Variants in CHN2 observed in about 807,000 individuals in gnomAD.
CHN2 encodes beta-chimaerin.
A neutral mutation model predicts 56.3 loss-of-function variants in CHN2; 35 were observed. The ratio of observed to expected loss-of-function variants is 0.62; its 90% CI spans 0.47 to 0.82. The LOEUF (loss-of-function observed/expected upper bound fraction) is 0.82. Among genes scored for constraint, CHN2 ranks in the 40% least tolerant of loss-of-function variants. CHN2 has a pLI of 0.00. For missense variants in CHN2, 491 were observed against 580.5 expected, an observed-to-expected ratio of 0.85 and a Z score of 1.58; for synonymous variants, 210 against 212.8, an observed-to-expected ratio of 0.99 and a Z score of 0.12.
chr7:29,304,929 G>A (rs991325035), intron 1 of CHN2, among the ~76,000 whole-genome samples: 23 of 152,230 alleles, frequency 1.5e-4, no homozygotes, highest in African/African-American at 5.5e-4. Flanking sequence ...GGCCTTAGGG[G>A]ATGACTGAGT....
chr7:29,311,553 A>G (rs528450473), intron 1 of CHN2, among the ~76,000 whole-genome samples: 1 of 152,376 alleles, frequency 6.6e-6, no homozygotes. Context: ...AAGACATCAC[A>G]GATAGGGACT....
At chr7:29,149,720 G>T (rs245886) in intron 2 of CHN2, among the ~76,000 whole-genome samples, 82,504 of 151,798 alleles carry the variant, frequency 0.54, 22,919 homozygotes, top group African/African-American at 0.66. Flanking sequence ...CTTCCTCGCT[G>T]CTTCTAGGTT....
intron 4 of CHN2, among the ~76,000 whole-genome samples, chr7:29,395,948 T>C (rs1801702026): frequency 6.6e-6 from 1 of 152,164 alleles, no homozygotes; most frequent in Non-Finnish European, 1.5e-5. Flanking sequence ...AGAGAGGCTT[T>C]CGAATGTTCC....
intron 1 of CHN2, among the ~76,000 whole-genome samples, chr7:29,237,310 G>A (rs1787276953): frequency 6.6e-6 from 1 of 152,142 alleles, no homozygotes; most frequent in South Asian, 2.1e-4. Context: ...TCTGTGCCTT[G>A]CCTTTGCAGG....
At chr7:29,252,597 T>G (rs867173575) in intron 1 of CHN2, among the ~76,000 whole-genome samples, 9 of 43,766 alleles carry the variant, frequency 2.1e-4, no homozygotes, top group Non-Finnish European at 2.8e-4. Context: ...TTTTTTTTTT[T>G]TTTTTTTTTG....
At chr7:29,402,878 T>C (rs1359688857) in intron 6 of CHN2, among the ~76,000 whole-genome samples, 1 of 152,208 alleles carries the variant, frequency 6.6e-6, no homozygotes. Context: ...ATTTTTGTAT[T>C]TATTTGTCAA....
intron 7 of CHN2, among the ~76,000 whole-genome samples, chr7:29,481,870 G>C (rs890038865): frequency 1.3e-5 from 2 of 151,920 alleles, no homozygotes; most frequent in Non-Finnish European, 2.9e-5. Context: ...TAAGAAATTG[G>C]AATTATGCCA....
intron 1 of CHN2, among the ~76,000 whole-genome samples, chr7:29,307,768 G>A (rs1794282819): frequency 6.6e-6 from 1 of 152,168 alleles, no homozygotes; most frequent in Non-Finnish European, 1.5e-5. Context: ...TGGGCACACA[G>A]GAAGTCTGCA....
chr7:29,389,439 GC>G (rs1360750574), intron 3 of CHN2, among the ~76,000 whole-genome samples: 2 of 152,190 alleles, frequency 1.3e-5, no homozygotes, highest in Admixed American at 1.3e-4. Context: ...CATCTAGGGG[GC>G]TTGATTAAAT....
intron 2 of CHN2, among the ~76,000 whole-genome samples, chr7:29,151,842 C>T (rs2128693364): frequency 6.6e-6 from 1 of 152,230 alleles, no homozygotes; most frequent in East Asian, 1.9e-4. Flanking sequence ...GAGGATTTGA[C>T]GAAATTGTAT....
intron 2 of CHN2, among the ~76,000 whole-genome samples, chr7:29,149,179 G>A (rs1177890998): frequency 7.0e-6 from 1 of 142,626 alleles, no homozygotes. Context: ...AGATTGGGAA[G>A]TCTGTTTCCC....
chr7:29,275,483 T>G (rs62442865), intron 1 of CHN2, among the ~76,000 whole-genome samples: 6,063 of 152,298 alleles, frequency 0.04, 151 homozygotes, highest in East Asian at 0.08. Flanking sequence ...TGCACCGTTT[T>G]GAAAGCAGGG....
At chr7:29,333,833 A>G (rs192112511) in intron 1 of CHN2, among the ~76,000 whole-genome samples, 6 of 152,266 alleles carry the variant, frequency 3.9e-5, no homozygotes, top group African/African-American at 1.2e-4. Flanking sequence ...GATTTTCAGC[A>G]GTAATGGCCG....
At chr7:29,500,098 T>C in intron 9 of CHN2, 58 bp downstream of exon 9, 1 of 1,339,848 alleles carries the variant, frequency 7.5e-7, no homozygotes, top group African/African-American at 1.5e-5. Context: ...TTGTTTGTTT[T>C]TACTGTTGTC....
chr7:29,487,961 A>C (rs539636199), intron 7 of CHN2, among the ~76,000 whole-genome samples: 4 of 152,346 alleles, frequency 2.6e-5, no homozygotes, highest in African/African-American at 9.6e-5. Context: ...ATGTGCTCAT[A>C]AACCTGATCA....
chr7:29,501,379 C>G (rs1471543087), intron 9 of CHN2, among the ~76,000 whole-genome samples: 1 of 152,140 alleles, frequency 6.6e-6, no homozygotes, highest in East Asian at 1.9e-4. Flanking sequence ...GAGGGATTCC[C>G]TGCCTCTGGA....
chr7:29,357,797 T>C (rs1798419358), intron 2 of CHN2, among the ~76,000 whole-genome samples: 1 of 152,218 alleles, frequency 6.6e-6, no homozygotes, highest in African/African-American at 2.4e-5. Context: ...TGATACCATT[T>C]CTTGATATGA....
chr7:29,363,675 G>C (rs905706360), intron 2 of CHN2, among the ~76,000 whole-genome samples: 2 of 152,184 alleles, frequency 1.3e-5, no homozygotes, highest in African/African-American at 4.8e-5. Context: ...GATGATGAGT[G>C]CTGTGAAGAA....
intron 8 of CHN2, among the ~76,000 whole-genome samples, chr7:29,498,675 T>C (rs1023061616): frequency 6.6e-6 from 1 of 152,056 alleles, no homozygotes; most frequent in Non-Finnish European, 1.5e-5. Flanking sequence ...GAAGATACTT[T>C]GAGTAGAGAG....
Sources: allele counts gnomAD v4.1 joint callset (sites outside exome capture counted in the v4.1 genomes callset), GRCh38; gene constraint gnomAD v4.1.1; transcripts MANE v1.5; gene names NCBI Gene and HGNC (gene_info 2026-07-23, HGNC 2026-07-21).